Variants in JMJD1C observed in about 807,000 individuals in gnomAD.
JMJD1C encodes the protein jumonji domain-containing protein 1C.
A neutral mutation model predicts 245.3 loss-of-function variants in JMJD1C; 31 were observed. The observed-to-expected ratio is 0.13, with a 90% CI of 0.09 to 0.17. The LOEUF (loss-of-function observed/expected upper bound fraction) is 0.17, where lower values mean the gene tolerates loss of function less well. Among genes scored for constraint, JMJD1C ranks in the 10% least tolerant of loss-of-function variants. The pLI is 1.00. For synonymous variants in JMJD1C, 1,057 were observed against 1,017.4 expected (o/e 1.04, Z -0.74); for missense variants, 2,691 against 3,000.2 (o/e 0.90, Z 2.41).
chr10:63,284,557 A>G (rs1857755529), intron 2 of JMJD1C, among the ~76,000 whole-genome samples: 1 of 152,138 alleles, frequency 6.6e-6, no homozygotes, highest in African/African-American at 2.4e-5. Flanking sequence ...GTTCTTGGGA[A>G]TAACTTATAA....
intron 2 of JMJD1C, among the ~76,000 whole-genome samples, chr10:63,323,750 T>G (rs940113782): frequency 6.6e-6 from 1 of 152,186 alleles, no homozygotes; most frequent in Non-Finnish European, 1.5e-5. Flanking sequence ...TGTCTTTGTA[T>G]TAGAGTTCTC....
intron 1 of JMJD1C, among the ~76,000 whole-genome samples, chr10:63,493,249 CTTTTTTTTTTTTTTTT>C (rs752941477): frequency 2.0e-5 from 1 of 49,136 alleles, no homozygotes; most frequent in Non-Finnish European, 3.4e-5. Context: ...ACTGTTATTT[CTTTTTTTTTTTTTTTT>C]TTTTTTTTTT....
intron 1 of JMJD1C, among the ~76,000 whole-genome samples, chr10:63,448,051 A>G (rs916927404): frequency 2.6e-5 from 4 of 152,370 alleles, no homozygotes; most frequent in Admixed American, 2.0e-4. Context: ...AAATAAAAAA[A>G]GACATTAACA....
intron 1 of JMJD1C, among the ~76,000 whole-genome samples, chr10:63,403,340 A>C (rs1948974671): frequency 6.6e-6 from 1 of 152,232 alleles, no homozygotes; most frequent in South Asian, 2.1e-4. Flanking sequence ...TAATATTTCT[A>C]AAATCTAATA....
chr10:63,236,036 T>A (rs1174648464), intron 3 of JMJD1C, among the ~76,000 whole-genome samples: 2 of 152,170 alleles, frequency 1.3e-5, no homozygotes, highest in Non-Finnish European at 2.9e-5. Flanking sequence ...TTTATGAAAA[T>A]CCTCAAGAGT....
chr10:63,388,348 G>GAA (rs71463520), intron 1 of JMJD1C, among the ~76,000 whole-genome samples: 1 of 131,228 alleles, frequency 7.6e-6, no homozygotes, highest in East Asian at 2.1e-4. Context: ...AGCTGAAGGA[G>GAA]AAAAAAAAAA....
At chr10:63,453,583 T>C (rs888568829) in intron 1 of JMJD1C, among the ~76,000 whole-genome samples, 2 of 152,210 alleles carry the variant, frequency 1.3e-5, no homozygotes, top group African/African-American at 4.8e-5. Flanking sequence ...AGAAAGAATT[T>C]CTTAAGCTGA....
At chr10:63,410,281 G>C (rs77761073) in intron 1 of JMJD1C, among the ~76,000 whole-genome samples, 25 of 152,280 alleles carry the variant, frequency 1.6e-4, no homozygotes, top group African/African-American at 5.1e-4. Context: ...ACAGGAAATA[G>C]TTGGTGAACT....
At chr10:63,381,823 A>C (rs1375510908) in intron 1 of JMJD1C, among the ~76,000 whole-genome samples, 3 of 152,212 alleles carry the variant, frequency 2.0e-5, no homozygotes, top group African/African-American at 7.2e-5. Context: ...CAGAGTGTTG[A>C]TCAGTAAAGA....
At chr10:63,298,837 A>T (rs2133980287) in intron 2 of JMJD1C, among the ~76,000 whole-genome samples, 1 of 152,132 alleles carries the variant, frequency 6.6e-6, no homozygotes, top group African/African-American at 2.4e-5. Context: ...GGTTCAAGCG[A>T]TTCTCCTGCC....
At chr10:63,435,108 C>A (rs939978158) in intron 1 of JMJD1C, among the ~76,000 whole-genome samples, 12 of 152,172 alleles carry the variant, frequency 7.9e-5, no homozygotes, top group African/African-American at 2.9e-4. Flanking sequence ...CATTTCCTGA[C>A]CTGTAATCTT....
chr10:63,317,656 T>A (rs1589461122), intron 2 of JMJD1C, among the ~76,000 whole-genome samples: 1 of 152,196 alleles, frequency 6.6e-6, no homozygotes, highest in Non-Finnish European at 1.5e-5. Context: ...TCAAATATTT[T>A]CACTGGCTGC....
intron 1 of JMJD1C, 38 bp downstream of exon 1, chr10:63,465,457 G>C: frequency 4.5e-6 from 7 of 1,546,226 alleles, no homozygotes; most frequent in Non-Finnish European, 6.1e-6. Flanking sequence ...GCCGGGTGCG[G>C]GCGCGGCAGG....
At chr10:63,393,562 G>C (rs911801350) in intron 1 of JMJD1C, among the ~76,000 whole-genome samples, 1 of 152,076 alleles carries the variant, frequency 6.6e-6, no homozygotes, top group Non-Finnish European at 1.5e-5. Flanking sequence ...AAAGATATCA[G>C]CACATCAAAG....
At chr10:63,272,072 C>CAA (rs1234840271) in intron 2 of JMJD1C, among the ~76,000 whole-genome samples, 8 of 89,970 alleles carry the variant, frequency 8.9e-5, no homozygotes, top group African/African-American at 1.2e-4. Context: ...GACTCTGTCT[C>CAA]AAAAAAAAAA....
At chr10:63,260,966 A>G (rs538177288) in intron 3 of JMJD1C, among the ~76,000 whole-genome samples, 9 of 151,762 alleles carry the variant, frequency 5.9e-5, no homozygotes, top group Non-Finnish European at 1.3e-4. Flanking sequence ...TAGCTAAAAA[A>G]CACAGTAGAA....
At chr10:63,482,951 A>C (rs368348088) in intron 1 of JMJD1C, among the ~76,000 whole-genome samples, 38 of 152,216 alleles carry the variant, frequency 2.5e-4, no homozygotes, top group East Asian at 1.5e-3. Flanking sequence ...AATTTTTGAA[A>C]AATTAAATCT....
At chr10:63,305,889 A>C (rs1229931134) in intron 2 of JMJD1C, among the ~76,000 whole-genome samples, 2 of 151,404 alleles carry the variant, frequency 1.3e-5, no homozygotes, top group Non-Finnish European at 2.9e-5. Context: ...TGTGCAAACT[A>C]ATTTTTTTAT....
rs1554923077 is a variant in JMJD1C, at chr10:63,402,149, A to AG, written c.169-21668_169-21667insC. Reference sequence around the variant, plus strand: ...ACTCCGTCTCAAAAAAAAAGAAAAAAAAACAAAAAAAGTGGGCAGGGGATT... The same window carrying AG: ...ACTCCGTCTCAAAAAAAAAGAAAAAAGAAACAAAAAAAGTGGGCAGGGGATT... On this transcript the variant is annotated intron_variant, in intron 1 of 25. Coordinates refer to ENST00000399262, the MANE Select transcript of JMJD1C (RefSeq NM_032776.3). 2.9e-3 allele frequency among the ~76,000 whole-genome samples: 446 copies of AG among 152,036 alleles called. 4 individuals carry two copies. The highest frequency in any genetic ancestry group is 1.0e-2 in the African/African-American group (414 of 41,446).
Sources: allele counts gnomAD v4.1 joint callset (sites outside exome capture counted in the v4.1 genomes callset), GRCh38; gene constraint gnomAD v4.1.1; transcripts MANE v1.5; gene names NCBI Gene and HGNC (gene_info 2026-07-23, HGNC 2026-07-21).